The following SNTG2 variants were observed in gnomAD, a reference collection of about 807,000 sequenced individuals.
SNTG2 encodes the protein gamma-2-syntrophin.
In SNTG2, 74 loss-of-function variants were observed where a neutral mutation model predicts 70.9. The ratio of observed to expected loss-of-function variants is 1.04; its 90% CI spans 0.86 to 1.27. The LOEUF (loss-of-function observed/expected upper bound fraction) is 1.27, where lower values mean the gene tolerates loss of function less well. Among genes scored for constraint, SNTG2 ranks in the 50% most tolerant of loss-of-function variants. The pLI, the probability that SNTG2 is intolerant of heterozygous loss-of-function variation, is 0.00. For missense variants in SNTG2, 717 were observed against 690.7 expected, an observed-to-expected ratio of 1.04 and a Z score of -0.43; for synonymous variants, 278 against 273.8, an observed-to-expected ratio of 1.02 and a Z score of -0.15.
intron 1 of SNTG2, among the ~76,000 whole-genome samples, chr2:1,034,660 G>A (rs1661033238): frequency 6.6e-6 from 1 of 152,176 alleles, no homozygotes; most frequent in Non-Finnish European, 1.5e-5. Context: ...TCTGACTGGT[G>A]TGAGATGGTA....
intron 6 of SNTG2, chr2:1,159,224 GGTGT>G (rs1670112581): frequency 1.5e-5 from 1 of 68,658 alleles, no homozygotes; most frequent in Non-Finnish European, 4.1e-5. Flanking sequence ...TATGTGGGAG[GGTGT>G]GTGTGAGTGT....
intron 14 of SNTG2, among the ~76,000 whole-genome samples, chr2:1,276,720 C>T (rs972768174): frequency 3.3e-5 from 5 of 152,278 alleles, no homozygotes; most frequent in South Asian, 2.1e-4. Flanking sequence ...TTAAGAAATA[C>T]ATCTCATAAG....
intron 14 of SNTG2, among the ~76,000 whole-genome samples, chr2:1,286,188 G>T (rs577872639): frequency 1.3e-5 from 2 of 152,050 alleles, no homozygotes; most frequent in Non-Finnish European, 2.9e-5. Flanking sequence ...AATGTCGAGG[G>T]AACTGGAAAC....
chr2:978,898 A>G (rs976543823), intron 1 of SNTG2, among the ~76,000 whole-genome samples: 6 of 152,212 alleles, frequency 3.9e-5, no homozygotes, highest in Admixed American at 2.0e-4. Context: ...ATTTATAAGG[A>G]TGAACCTGTT....
chr2:1,118,320 C>T (rs1301362964), intron 4 of SNTG2, among the ~76,000 whole-genome samples: 2 of 152,126 alleles, frequency 1.3e-5, no homozygotes, highest in Admixed American at 1.3e-4. Context: ...TAGTAGGATA[C>T]ATGAAGCCCT....
At chr2:1,314,181 A>G (rs1225413097) in intron 15 of SNTG2, among the ~76,000 whole-genome samples, 1 of 152,136 alleles carries the variant, frequency 6.6e-6, no homozygotes, top group Non-Finnish European at 1.5e-5. Flanking sequence ...TTCAAAATCA[A>G]ATTTGAACCA....
At chr2:954,609 A>G (rs765395607) in intron 1 of SNTG2, among the ~76,000 whole-genome samples, 2 of 152,204 alleles carry the variant, frequency 1.3e-5, no homozygotes, top group Non-Finnish European at 2.9e-5. Flanking sequence ...AGTTCCCTGT[A>G]AAATTCAGGA....
At chr2:995,623 T>C (rs1368046965) in intron 1 of SNTG2, among the ~76,000 whole-genome samples, 2 of 152,180 alleles carry the variant, frequency 1.3e-5, no homozygotes, top group African/African-American at 4.8e-5. Context: ...GTGAAGAATT[T>C]GTATTCATTA....
chr2:1,139,637 G>C (rs1037837852), intron 6 of SNTG2, among the ~76,000 whole-genome samples: 10 of 151,836 alleles, frequency 6.6e-5, no homozygotes, highest in African/African-American at 2.4e-4. Flanking sequence ...TCCAGCCTGG[G>C]CAACATAGCA....
chr2:1,021,502 CA>C (rs1260074347), intron 1 of SNTG2, among the ~76,000 whole-genome samples: 1 of 152,080 alleles, frequency 6.6e-6, no homozygotes, highest in Non-Finnish European at 1.5e-5. Flanking sequence ...CTGGACACAT[CA>C]AGCAAATATA....
intron 7 of SNTG2, among the ~76,000 whole-genome samples, chr2:1,171,949 G>A (rs757134937): frequency 6.6e-6 from 1 of 152,208 alleles, no homozygotes; most frequent in Non-Finnish European, 1.5e-5. Flanking sequence ...GTCACATTAT[G>A]ACTTTGCATA....
intron 1 of SNTG2, among the ~76,000 whole-genome samples, chr2:1,060,846 C>G (rs896247261): frequency 1.3e-5 from 2 of 152,180 alleles, no homozygotes; most frequent in Admixed American, 1.3e-4. Flanking sequence ...TGGGTGAAGT[C>G]AGACCAGGAG....
chr2:1,004,024 G>A (rs1219815342), intron 1 of SNTG2, among the ~76,000 whole-genome samples: 1 of 152,142 alleles, frequency 6.6e-6, no homozygotes, highest in Non-Finnish European at 1.5e-5. Context: ...TGGGAAGAGA[G>A]CTATTACAAA....
Position 1,097,462 on chromosome 2 carries a change from C to T in SNTG2, c.211-734C>T, listed in dbSNP as rs1205106513. ...GTAAAAGCACCCTTTGGCCACTGTC[C>T]GTCTACCCCAGGCTGCCTCTGTGCG... On this transcript the variant is annotated intron_variant, in intron 2 of 16. Coordinates refer to ENST00000308624, the MANE Select transcript of SNTG2 (RefSeq NM_018968.4). This position sits in a 1 kb window ranked among gnomAD's most constrained non-coding sequence, Gnocchi z 4.1. Among the ~76,000 whole-genome samples, 3 of 152,144 alleles carry T rather than the reference C, an allele frequency of 2.0e-5. No homozygotes were observed. The highest frequency in any genetic ancestry group is 4.4e-5 in the Non-Finnish European group (3 of 68,030).
In SNTG2 at chr2:1,136,738, A is replaced by T. The variant is rs1558442554; in HGVS notation, c.326-884A>T. Among the ~76,000 whole-genome samples, 4 of 152,236 alleles carry T rather than the reference A, an allele frequency of 2.6e-5. No individual in the cohort carries two copies. The South Asian group carries it at 8.3e-4, about 32-fold the overall frequency. On this transcript the variant is annotated intron_variant, in intron 4 of 16. Coordinates refer to ENST00000308624, the MANE Select transcript of SNTG2 (RefSeq NM_018968.4). ...GGGAAAAAAGCCTTAGCTTTTGTGC[A>T]GAGTTGTTCAGTTGTATTGAATGGG...
At chr2:1,294,490 A>G (rs937156990) in intron 14 of SNTG2, among the ~76,000 whole-genome samples, 1 of 152,252 alleles carries the variant, frequency 6.6e-6, no homozygotes, top group Non-Finnish European at 1.5e-5. Context: ...GAGAAAGTAG[A>G]TGAGTTTCTA....
chr2:1,179,111 T>G (rs934559714), intron 8 of SNTG2, among the ~76,000 whole-genome samples: 1 of 152,194 alleles, frequency 6.6e-6, no homozygotes, highest in Non-Finnish European at 1.5e-5. Context: ...GTAGTATTCT[T>G]TGATGGTAGT....
At position 950,924 on chromosome 2, in the gene SNTG2, C is replaced by A; in HGVS notation, c.-73C>A. The A allele has an allele frequency of 2.6e-6, 2 of 777,236 alleles. No homozygotes were observed. Among genetic ancestry groups the A allele is most frequent in the Non-Finnish European group, 3.4e-6 (2 of 589,862 alleles). 48.1% of individuals were successfully genotyped at this position (777,236 alleles called of 1,614,324 possible). A position where few individuals can be genotyped will look rare whatever the true frequency, so the allele number is the denominator to read the frequency against. On this transcript the variant is annotated 5_prime_UTR_variant, in exon 1 of 17. The change creates a new upstream start codon in the 5' untranslated region. Transcript: ENST00000308624. ...CGCGGACGCGGCGCCTGGCGGGGCCCTGGGAGGCTCGGACGGGGTCCTGGC... is the reference window on the plus strand; with the variant it reads ...CGCGGACGCGGCGCCTGGCGGGGCCATGGGAGGCTCGGACGGGGTCCTGGC...
intron 6 of SNTG2, among the ~76,000 whole-genome samples, chr2:1,150,243 CA>C (rs1304230552): frequency 1.3e-5 from 2 of 152,194 alleles, no homozygotes; most frequent in Non-Finnish European, 2.9e-5. Flanking sequence ...CAAGCAAACA[CA>C]GCTGTCATCT....
Sources: allele counts gnomAD v4.1 joint callset (sites outside exome capture counted in the v4.1 genomes callset), GRCh38; gene constraint gnomAD v4.1.1; non-coding constraint Gnocchi (gnomAD v3.1); transcripts MANE v1.5; gene names NCBI Gene and HGNC (gene_info 2026-07-23, HGNC 2026-07-21).